The following CLSTN2 variants were observed in gnomAD, a reference collection of about 807,000 sequenced individuals.
CLSTN2 encodes calsyntenin 2, also known as calsyntenin-2.
In CLSTN2, 48 loss-of-function variants were observed where a neutral mutation model predicts 101.2. That is an observed-to-expected ratio of 0.47 (90% confidence interval 0.38 to 0.60). The LOEUF is 0.60. Among genes scored for constraint, CLSTN2 ranks in the 20% least tolerant of loss-of-function variants. CLSTN2 has a pLI of 0.00. For missense variants in CLSTN2, 1,160 were observed against 1,238.2 expected, an observed-to-expected ratio of 0.94 and a Z score of 0.95; for synonymous variants, 481 against 463.6, an observed-to-expected ratio of 1.04 and a Z score of -0.48.
chr3:140,122,817 A>T (rs1352633660), intron 1 of CLSTN2, among the ~76,000 whole-genome samples: 1 of 152,060 alleles, frequency 6.6e-6, no homozygotes, highest in African/African-American at 2.4e-5. Flanking sequence ...GCGGTCACAT[A>T]TTTTGTTGTT....
intron 6 of CLSTN2, among the ~76,000 whole-genome samples, chr3:140,455,245 C>T (rs952569664): frequency 2.6e-5 from 4 of 152,192 alleles, no homozygotes; most frequent in Admixed American, 1.3e-4. Context: ...CCCACTTATC[C>T]CTGCCCTTTC....
intron 8 of CLSTN2, among the ~76,000 whole-genome samples, chr3:140,482,877 T>A (rs893514050): frequency 2.0e-5 from 3 of 152,202 alleles, no homozygotes. Context: ...ATTTTGTTGA[T>A]CTTTTCAAAA....
chr3:140,420,571 C>G (rs1196873431), intron 4 of CLSTN2, among the ~76,000 whole-genome samples: 1 of 152,066 alleles, frequency 6.6e-6, no homozygotes. Context: ...TTCTTCGGGG[C>G]GAAAAGTGTG....
intron 1 of CLSTN2, among the ~76,000 whole-genome samples, chr3:140,052,711 TCTC>T (rs1346426640): frequency 6.6e-6 from 1 of 152,150 alleles, no homozygotes; most frequent in African/African-American, 2.4e-5. Flanking sequence ...CTTTCATTCT[TCTC>T]CTCAGAAAAC....
At chr3:140,070,676 T>C (rs12630361) in intron 1 of CLSTN2, among the ~76,000 whole-genome samples, 35,878 of 152,006 alleles carry the variant, frequency 0.24, 4,743 homozygotes, top group East Asian at 0.45. Flanking sequence ...CAAACAATAG[T>C]CCCAAAAGGT....
chr3:140,346,682 TCA>T (rs2087549580), intron 2 of CLSTN2, among the ~76,000 whole-genome samples: 2 of 152,242 alleles, frequency 1.3e-5, no homozygotes, highest in African/African-American at 4.8e-5. Context: ...CAGTCTCTTT[TCA>T]CAGTCAGCCT....
At chr3:140,129,854 T>G (rs751456292) in intron 1 of CLSTN2, among the ~76,000 whole-genome samples, 1 of 152,160 alleles carries the variant, frequency 6.6e-6, no homozygotes. Context: ...CAGTGAGTGA[T>G]GCATCGTGGA....
intron 12 of CLSTN2, among the ~76,000 whole-genome samples, chr3:140,561,260 T>C (rs1196515042): frequency 2.0e-5 from 3 of 152,126 alleles, no homozygotes; most frequent in Non-Finnish European, 4.4e-5. Flanking sequence ...GAGATGGGGA[T>C]AGTAATAGTA....
chr3:140,146,842 G>A (rs1340217454), intron 1 of CLSTN2, among the ~76,000 whole-genome samples: 1 of 152,168 alleles, frequency 6.6e-6, no homozygotes, highest in Admixed American at 6.5e-5. Flanking sequence ...TCCAGCAACA[G>A]GGTTGCCTGG....
intron 2 of CLSTN2, among the ~76,000 whole-genome samples, chr3:140,231,903 C>T (rs1396992913): frequency 1.3e-5 from 2 of 152,160 alleles, no homozygotes; most frequent in Non-Finnish European, 2.9e-5. Flanking sequence ...TGTTTAAATC[C>T]CATGTCTGTC....
intron 1 of CLSTN2, among the ~76,000 whole-genome samples, chr3:139,968,353 A>G (rs969414757): frequency 1.3e-5 from 2 of 152,182 alleles, no homozygotes; most frequent in African/African-American, 4.8e-5. Flanking sequence ...AATAAATATA[A>G]TTGATTGAAG....
intron 2 of CLSTN2, among the ~76,000 whole-genome samples, chr3:140,374,923 C>T (rs6804095): frequency 6.6e-6 from 1 of 152,194 alleles, no homozygotes; most frequent in African/African-American, 2.4e-5. Flanking sequence ...ATTATTCCCT[C>T]TGACTACACC....
At chr3:139,959,741 G>A (rs1370161788) in intron 1 of CLSTN2, among the ~76,000 whole-genome samples, 2 of 151,740 alleles carry the variant, frequency 1.3e-5, no homozygotes, top group Non-Finnish European at 2.9e-5. Context: ...AGCCAACCCC[G>A]CCCCCCTTTT....
chr3:140,228,405 A>G (rs928732413), intron 2 of CLSTN2, among the ~76,000 whole-genome samples: 21 of 152,142 alleles, frequency 1.4e-4, no homozygotes, highest in Non-Finnish European at 3.1e-4. Flanking sequence ...TTTATATTCC[A>G]TATCACTATT....
chr3:140,112,249 G>C (rs537057319), intron 1 of CLSTN2, among the ~76,000 whole-genome samples: 6 of 152,138 alleles, frequency 3.9e-5, no homozygotes, highest in Non-Finnish European at 8.8e-5. Flanking sequence ...TTAACTACTT[G>C]TCTTCTAAGC....
At chr3:140,363,025 T>C (rs973940268) in intron 2 of CLSTN2, among the ~76,000 whole-genome samples, 1 of 152,178 alleles carries the variant, frequency 6.6e-6, no homozygotes, top group African/African-American at 2.4e-5. Context: ...TACAGACTTG[T>C]ACATGAATAT....
chr3:139,982,835 T>C (rs886539066), intron 1 of CLSTN2, among the ~76,000 whole-genome samples: 3 of 152,094 alleles, frequency 2.0e-5, no homozygotes, highest in Non-Finnish European at 4.4e-5. Flanking sequence ...GAAATGTTGA[T>C]AGTGGACCAA....
In CLSTN2 at chr3:140,554,839, A is replaced by G. The variant is rs72980119; in HGVS notation, c.1675-1674A>G. 4.9e-3 allele frequency among the ~76,000 whole-genome samples: 754 copies of G among 152,344 alleles called. 5 individuals are homozygous for G. The highest frequency in any genetic ancestry group is 0.017 in the African/African-American group (712 of 41,580). On this transcript the variant is annotated intron_variant, in intron 10 of 16. Transcript: ENST00000458420. ...AAGCTTGTCATGTACTGATACAGAA[A>G]GAGCTCCAAGATATGAGCCAAGTGA...
In CLSTN2 at chr3:140,427,203, ATG is replaced by A. The variant is rs1157999299; in HGVS notation, c.787+5933_787+5934del. Among the ~76,000 whole-genome samples the A allele has an allele frequency of 9.6e-5, 11 of 114,280 alleles. 1 individual carries two copies. The highest frequency in any genetic ancestry group is 4.6e-4 in the African/African-American group (10 of 21,602). The allele number at this position is 114,280 out of a possible 152,430, so 75.0% of individuals were successfully genotyped here. A position where few individuals can be genotyped will look rare whatever the true frequency, so the allele number is the denominator to read the frequency against. On this transcript the variant is annotated intron_variant, in intron 5 of 16. Transcript: ENST00000458420. ...AAAAAAAATATATATATATATATAT[ATG>A]TGTATATATATATATATATGTGTGT...
Sources: gnomAD v4.1 joint callset for allele counts (sites outside exome capture counted in the v4.1 genomes callset) on GRCh38, gnomAD v4.1.1 for gene constraint, MANE v1.5 for transcripts, NCBI Gene and HGNC (gene_info 2026-07-23, HGNC 2026-07-21) for gene names.